The following CSNK2A2 variants were observed in gnomAD, a reference collection of about 807,000 sequenced individuals.
The protein encoded by CSNK2A2 is casein kinase 2 alpha 2.
A neutral mutation model predicts 54.0 loss-of-function variants in CSNK2A2; 8 were observed. That is an observed-to-expected ratio of 0.15 (90% CI 0.09 to 0.27). The LOEUF is 0.27. Among genes scored for constraint, CSNK2A2 ranks in the 10% least tolerant of loss-of-function variants. The probability of loss-of-function intolerance (pLI) is 1.00; values close to 1 mark genes in which losing one functional copy is unlikely to be tolerated. For synonymous variants in CSNK2A2, 141 were observed against 153.9 expected (o/e 0.92, Z 0.62); for missense variants, 242 against 439.4 (o/e 0.55, Z 4.02).
At chr16:58,192,813 C>T (rs945424805) in intron 2 of CSNK2A2, 12 of 152,248 alleles carry the variant, frequency 7.9e-5, no homozygotes, top group Admixed American at 7.9e-4. Context: ...CAAGGTCCTA[C>T]ACCGAGTGCT....
chr16:58,195,467 C>T (rs1476317166), intron 2 of CSNK2A2, among the ~76,000 whole-genome samples: 1 of 152,030 alleles, frequency 6.6e-6, no homozygotes, highest in African/African-American at 2.4e-5. Context: ...TGCCCTAGCA[C>T]ACAGAAACAG....
chr16:58,178,489 T>C (rs55998300), intron 4 of CSNK2A2, among the ~76,000 whole-genome samples: 10,699 of 151,716 alleles, frequency 0.071, 476 homozygotes, highest in South Asian at 0.21. Flanking sequence ...GCCATGTTGG[T>C]CAGGCTGGTC....
rs1961593954 is a variant in CSNK2A2, at chr16:58,167,291, C to T, written c.642G>A (p.Leu214=). ...ACATACAGCCCAAACTCCACATGTC[C>T]AAGCTATAATCATACATCTGAGGCA... ...LVDYQMYDYS[L]DMWSLGCMLA... The change falls in exon 8 of 12, where the codon TTG becomes TTA. Residue 214 remains leucine (L), a synonymous_variant. Transcript: ENST00000262506. 1 of 1,612,744 alleles carries T rather than the reference C, an allele frequency of 6.2e-7. No homozygotes were observed. Among genetic ancestry groups the T allele is most frequent in the Admixed American group, 1.7e-5 (1 of 59,770 alleles).
intron 11 of CSNK2A2, chr16:58,160,340 G>A (rs1388870614): frequency 6.6e-6 from 1 of 152,176 alleles, no homozygotes; most frequent in African/African-American, 2.4e-5. Flanking sequence ...AAGTTTGCTT[G>A]TTTCTGTGGG....
At chr16:58,163,253 C>CAAAAAAAAAAAAAAAAAAA (rs55808367) in intron 11 of CSNK2A2, 7 of 66,590 alleles carry the variant, frequency 1.1e-4, no homozygotes, top group South Asian at 6.2e-4. Flanking sequence ...ACAAGGCTGC[C>CAAAAAAAAAAAAAAAAAAA]AAAAAAAAAA....
chr16:58,158,652 G>C (rs1172424098), intron 11 of CSNK2A2, among the ~76,000 whole-genome samples: 2 of 152,170 alleles, frequency 1.3e-5, no homozygotes, highest in Admixed American at 6.5e-5. Context: ...TCGGGTCCAG[G>C]GTGCTGATGG....
rs1962523329 is a variant in CSNK2A2 at position 58,198,034 on chromosome 16, G to GGCGGCACCGGCA, written c.-310_-299dup. On this transcript the variant is annotated 5_prime_UTR_variant, in exon 1 of 12. Transcript: ENST00000262506. ...CTCGCGGCCCCCAGGAGGCGGCGGC[G>GGCGGCACCGGCA]GCGGCACCGGCAGCGGCAGCCACCG... is the stretch of plus-strand genomic sequence containing the variant. 6.8e-6 allele frequency: 1 copy of GGCGGCACCGGCA among 146,684 alleles called. No homozygotes were observed. Among genetic ancestry groups the GGCGGCACCGGCA allele is most frequent in the Non-Finnish European group, 1.5e-5 (1 of 65,682 alleles). The allele number at this position is 146,684 out of a possible 1,614,324, so 9.1% of individuals were successfully genotyped here.
chr16:58,180,887 A>G (rs1420270573), intron 4 of CSNK2A2, among the ~76,000 whole-genome samples: 1 of 152,214 alleles, frequency 6.6e-6, no homozygotes, highest in African/African-American at 2.4e-5. Flanking sequence ...TCCTAATAAG[A>G]TGGACACAGG....
intron 3 of CSNK2A2, among the ~76,000 whole-genome samples, chr16:58,186,233 T>C (rs770228216): frequency 1.3e-5 from 2 of 152,072 alleles, no homozygotes; most frequent in Non-Finnish European, 2.9e-5. Context: ...AATATTTTAG[T>C]CTATCTACAC....
intron 2 of CSNK2A2, among the ~76,000 whole-genome samples, chr16:58,187,419 C>T (rs905319470): frequency 5.3e-5 from 8 of 152,104 alleles, no homozygotes; most frequent in African/African-American, 1.7e-4. Context: ...TTAATGTTTT[C>T]CAACAGATCC....
At chr16:58,182,554 CAA>C (rs59002536) in intron 4 of CSNK2A2, among the ~76,000 whole-genome samples, 63 of 80,654 alleles carry the variant, frequency 7.8e-4, no homozygotes, top group African/African-American at 1.1e-3. Context: ...GGCTCCGTCT[CAA>C]AAAAAAAAAA....
intron 2 of CSNK2A2, among the ~76,000 whole-genome samples, chr16:58,188,766 T>C (rs1017884498): frequency 6.6e-6 from 1 of 152,074 alleles, no homozygotes; most frequent in Non-Finnish European, 1.5e-5. Flanking sequence ...CAGGAAGAAA[T>C]ACATAACATA....
chr16:58,177,334 ACAAT>A (rs1326833535), intron 4 of CSNK2A2, among the ~76,000 whole-genome samples: 1 of 152,226 alleles, frequency 6.6e-6, no homozygotes, highest in Non-Finnish European at 1.5e-5. Context: ...ACATTATTAA[ACAAT>A]CCACTGCAAA....
Position 58,164,046 on chromosome 16 carries a change from C to T in CSNK2A2, c.*17+8G>A, listed in dbSNP as rs114444368. 292 of 1,602,378 alleles carry T rather than the reference C, an allele frequency of 1.8e-4. No individual in the cohort carries two copies. The highest frequency in any genetic ancestry group is 1.8e-3 in the African/African-American group (135 of 74,830). ...TGGTTTTATTGGCAAGCATCAATGCCGCATTACCCGTCGCTTTCCAGTCTT... is the reference window on the plus strand; with the variant it reads ...TGGTTTTATTGGCAAGCATCAATGCTGCATTACCCGTCGCTTTCCAGTCTT... On this transcript the variant is annotated splice_region_variant and intron_variant, in intron 11 of 11. Transcript: ENST00000262506.
chr16:58,164,028 A>G, intron 11 of CSNK2A2, 26 bp downstream of exon 11: 8 of 1,569,550 alleles, frequency 5.1e-6, no homozygotes, highest in Non-Finnish European at 7.0e-6. Context: ...GGTTGGTTTT[A>G]TTGGCAAGCA....
intron 2 of CSNK2A2, among the ~76,000 whole-genome samples, chr16:58,189,866 G>A (rs759012222): frequency 3.3e-5 from 5 of 152,222 alleles, no homozygotes; most frequent in Non-Finnish European, 5.9e-5. Flanking sequence ...TTATTCCTCT[G>A]AACTGGAGAG....
rs1226787424 is a variant in CSNK2A2 at position 58,157,910 on chromosome 16, C to A, written c.*461G>T. On this transcript the variant is annotated 3_prime_UTR_variant, in exon 12 of 12. Coordinates refer to ENST00000262506, the MANE Select transcript of CSNK2A2 (RefSeq NM_001896.4). ...CATACTGAAAACTCTCCATACGTTT[C>A]TTTTAAAACCTTTTATTCAATAATA... 6.6e-6 allele frequency: 1 copy of A among 152,192 alleles called. No homozygotes were observed. Among genetic ancestry groups the A allele is most frequent in the Non-Finnish European group, 1.5e-5 (1 of 68,036 alleles). 9.4% of individuals were successfully genotyped at this position (152,192 alleles called of 1,614,324 possible).
At chr16:58,165,775 C>T (rs1175358292) in intron 9 of CSNK2A2, 67 bp from the exon 10 acceptor site, 4 of 1,502,070 alleles carry the variant, frequency 2.7e-6, no homozygotes, top group African/African-American at 1.4e-5. Flanking sequence ...TCTACTAGGG[C>T]TAAAGCCAAC....
At position 58,184,250 on chromosome 16, in the gene CSNK2A2, G is replaced by C. The variant is rs1327725462; in HGVS notation, c.369+10C>G. 6.3e-7 allele frequency: 1 copy of C among 1,599,660 alleles called. No homozygotes were observed. Among genetic ancestry groups the C allele is most frequent in the African/African-American group, 1.3e-5 (1 of 74,420 alleles). On this transcript the variant is annotated intron_variant, in intron 4 of 11. Coordinates refer to ENST00000262506, the MANE Select transcript of CSNK2A2 (RefSeq NM_001896.4). ...CGTTAACCCCATGCCAGAAAGAAAA[G>C]CATACGCACCTTAAAATCTGTATTA...
Sources: allele counts gnomAD v4.1 joint callset (sites outside exome capture counted in the v4.1 genomes callset), GRCh38; gene constraint gnomAD v4.1.1; transcripts MANE v1.5; gene names NCBI Gene and HGNC (gene_info 2026-07-23, HGNC 2026-07-21).